The following B3GALT1 variants were observed in gnomAD, a reference collection of about 807,000 sequenced individuals.
B3GALT1 encodes the protein UDP-Gal:betaGlcNAc beta 1,3-galactosyltransferase, polypeptide 1.
A neutral mutation model predicts 23.2 loss-of-function variants in B3GALT1; 10 were observed. That is an observed-to-expected ratio of 0.43 (90% CI 0.27 to 0.73). B3GALT1 has a LOEUF of 0.73. Ranked by LOEUF, B3GALT1 falls within the 30% of genes least tolerant of loss-of-function variation. The pLI, the probability that B3GALT1 is intolerant of heterozygous loss-of-function variation, is 0.21. For synonymous variants in B3GALT1, 156 were observed against 141.5 expected (o/e 1.10, Z -0.73); for missense variants, 299 against 405.4 (o/e 0.74, Z 2.25).
At chr2:167,441,797 A>G (rs1698897316) in intron 1 of B3GALT1, among the ~76,000 whole-genome samples, 1 of 151,638 alleles carries the variant, frequency 6.6e-6, no homozygotes, top group Admixed American at 6.6e-5. Context: ...GGAGCCTGAG[A>G]TGGGAGAATC....
chr2:167,434,713 C>CG (rs1020939888), intron 1 of B3GALT1, among the ~76,000 whole-genome samples: 2 of 137,214 alleles, frequency 1.5e-5, no homozygotes, highest in Non-Finnish European at 3.2e-5. Context: ...ATGAATGACC[C>CG]CCCCCCCTTA....
At chr2:167,301,668 A>G (rs1420439650) in intron 1 of B3GALT1, among the ~76,000 whole-genome samples, 1 of 152,188 alleles carries the variant, frequency 6.6e-6, no homozygotes, top group African/African-American at 2.4e-5. Flanking sequence ...CTCCTGCCTC[A>G]GCCTCCCTAG....
At position 167,728,247 on chromosome 2, in the gene B3GALT1, G is replaced by A. The variant is rs182907888; in HGVS notation, c.-352+81281G>A. On this transcript the variant is annotated intron_variant, in intron 3 of 4. Transcript: ENST00000392690. Reference sequence around the variant, plus strand: ...TACTAAAAATACAAAAATTAGCCAGGCATGGTGGCACCACCTGTAATTTCA... The same window carrying A: ...TACTAAAAATACAAAAATTAGCCAGACATGGTGGCACCACCTGTAATTTCA... 2.8e-3 allele frequency among the ~76,000 whole-genome samples: 426 copies of A among 152,212 alleles called. 5 individuals carry two copies. Among genetic ancestry groups the A allele is most frequent in the South Asian group, 0.027 (131 of 4,826 alleles).
chr2:167,341,720 T>G (rs1188805372), intron 1 of B3GALT1, among the ~76,000 whole-genome samples: 1 of 152,182 alleles, frequency 6.6e-6, no homozygotes, highest in Middle Eastern at 3.2e-3. Flanking sequence ...CAATTCAGCT[T>G]TGGCTCCAAA....
intron 1 of B3GALT1, among the ~76,000 whole-genome samples, chr2:167,415,088 T>G (rs1263994624): frequency 3.9e-5 from 6 of 152,024 alleles, no homozygotes; most frequent in Non-Finnish European, 8.8e-5. Context: ...CATCTCAGAG[T>G]GTGCTATGAT....
chr2:167,509,145 A>G (rs1318414372), intron 2 of B3GALT1, among the ~76,000 whole-genome samples: 2 of 152,226 alleles, frequency 1.3e-5, no homozygotes, highest in African/African-American at 4.8e-5. Flanking sequence ...TAGCATTCTT[A>G]TGCAGAGAGT....
chr2:167,712,115 C>G (rs550094808), intron 3 of B3GALT1, among the ~76,000 whole-genome samples: 1 of 152,158 alleles, frequency 6.6e-6, no homozygotes, highest in South Asian at 2.1e-4. Context: ...GGAAGCTTCT[C>G]TTTCTGAATG....
Position 167,870,184 on chromosome 2 carries a change from A to T in B3GALT1, c.*164A>T, listed in dbSNP as rs1389331769. The T allele has an allele frequency of 9.0e-6, 6 of 668,146 alleles. No homozygotes were observed. Among genetic ancestry groups the T allele is most frequent in the Non-Finnish European group, 1.5e-5 (6 of 403,840 alleles). 41.4% of individuals were successfully genotyped at this position (668,146 alleles called of 1,614,324 possible). ...CTTGGATTACCAATTTATGAATGTT[A>T]GACTCTGGTCATAGAAACAATAAAT... On this transcript the variant is annotated 3_prime_UTR_variant, in exon 5 of 5. Transcript: ENST00000392690.
chr2:167,638,420 T>G (rs1485781508), intron 2 of B3GALT1, among the ~76,000 whole-genome samples: 1 of 152,094 alleles, frequency 6.6e-6, no homozygotes, highest in African/African-American at 2.4e-5. Context: ...CAAGCTTTAA[T>G]GCCCTTTGGC....
At chr2:167,435,433 C>CAAAAAAAAAAAAAA (rs1159357073) in intron 1 of B3GALT1, among the ~76,000 whole-genome samples, 5 of 26,212 alleles carry the variant, frequency 1.9e-4, no homozygotes, top group Non-Finnish European at 2.6e-4. Flanking sequence ...CATATGCTTG[C>CAAAAAAAAAAAAAA]AAAAAAAAAA....
At chr2:167,708,665 A>G (rs1687004334) in intron 3 of B3GALT1, among the ~76,000 whole-genome samples, 2 of 152,178 alleles carry the variant, frequency 1.3e-5, no homozygotes, top group Non-Finnish European at 2.9e-5. Flanking sequence ...CCATCTCAAA[A>G]AAAAGAAAAA....
intron 2 of B3GALT1, among the ~76,000 whole-genome samples, chr2:167,527,430 A>G (rs538867827): frequency 8.2e-4 from 123 of 150,904 alleles, no homozygotes; most frequent in Middle Eastern, 3.4e-3. Flanking sequence ...TTTCTCCCTT[A>G]TGTGATTTAT....
chr2:167,376,478 T>C (rs1697764244), intron 1 of B3GALT1, among the ~76,000 whole-genome samples: 1 of 152,206 alleles, frequency 6.6e-6, no homozygotes, highest in Non-Finnish European at 1.5e-5. Context: ...TCCAGGGCTT[T>C]CTTGGGTTGG....
chr2:167,501,136 G>A (rs1057046028), intron 2 of B3GALT1, among the ~76,000 whole-genome samples: 9 of 152,082 alleles, frequency 5.9e-5, no homozygotes, highest in South Asian at 2.1e-4. Context: ...TTAACTAACC[G>A]TATAAGATGT....
intron 1 of B3GALT1, among the ~76,000 whole-genome samples, chr2:167,428,473 G>A (rs1246202108): frequency 6.6e-6 from 1 of 152,136 alleles, no homozygotes; most frequent in Non-Finnish European, 1.5e-5. Context: ...TCAAGAGTTT[G>A]AGATCAGCCT....
At chr2:167,838,093 AC>A (rs1689530537) in intron 4 of B3GALT1, among the ~76,000 whole-genome samples, 2 of 147,048 alleles carry the variant, frequency 1.4e-5, no homozygotes, top group South Asian at 4.5e-4. Flanking sequence ...CAAAATTGAC[AC>A]CCTAACATCA....
chr2:167,439,793 C>A (rs1445551773), intron 1 of B3GALT1, among the ~76,000 whole-genome samples: 1 of 151,644 alleles, frequency 6.6e-6, no homozygotes, highest in Non-Finnish European at 1.5e-5. Context: ...TCTATTTCTT[C>A]TTCCTCCCTA....
At chr2:167,697,695 A>C (rs17581307) in intron 3 of B3GALT1, among the ~76,000 whole-genome samples, 16,248 of 152,242 alleles carry the variant, frequency 0.11, 1,117 homozygotes, top group Middle Eastern at 0.21. Context: ...TTCCAATGGA[A>C]GTAGGTACTG....
intron 1 of B3GALT1, among the ~76,000 whole-genome samples, chr2:167,402,017 A>G (rs1416461440): frequency 6.6e-6 from 1 of 152,180 alleles, no homozygotes; most frequent in Non-Finnish European, 1.5e-5. Flanking sequence ...TTGAAATAAA[A>G]GGTTCTGAGT....
Sources: allele counts gnomAD v4.1 joint callset (sites outside exome capture counted in the v4.1 genomes callset), GRCh38; gene constraint gnomAD v4.1.1; transcripts MANE v1.5; gene names NCBI Gene and HGNC (gene_info 2026-07-23, HGNC 2026-07-21).